The following SORCS3 variants were observed in gnomAD, a reference collection of about 807,000 sequenced individuals.
The protein encoded by SORCS3 is VPS10 domain-containing receptor SorCS3.
SORCS3 carries 57 observed loss-of-function variants against 146.3 expected under a neutral mutation model. The observed-to-expected ratio is 0.39, with a 90% confidence interval of 0.31 to 0.49. The LOEUF is 0.49. Among genes scored for constraint, SORCS3 ranks in the 20% least tolerant of loss-of-function variants. The pLI is 0.92. For missense variants in SORCS3, 1,341 were observed against 1,575.5 expected (o/e 0.85, Z 2.52); for synonymous variants, 653 against 618.5 (o/e 1.06, Z -0.83).
At chr10:104,696,129 CATATACACATATTATATATAATAT>C (rs1564660948) in intron 1 of SORCS3, among the ~76,000 whole-genome samples, 8,463 of 101,710 alleles carry the variant, frequency 0.083, 2,607 homozygotes, top group Admixed American at 0.1. Context: ...TAATATATAT[CATATACACATATTATATATAATAT>C]ATATACACAT....
At chr10:105,056,148 C>T (rs545381556) in intron 5 of SORCS3, among the ~76,000 whole-genome samples, 2 of 152,298 alleles carry the variant, frequency 1.3e-5, no homozygotes, top group Admixed American at 1.3e-4. Flanking sequence ...ACAGATCCTT[C>T]TGGAAGGAAG....
chr10:104,919,403 G>A (rs966303420), intron 3 of SORCS3, among the ~76,000 whole-genome samples: 10 of 151,704 alleles, frequency 6.6e-5, no homozygotes, highest in South Asian at 4.2e-4. Flanking sequence ...AGAAATTAAC[G>A]TTTGTAGCCA....
At position 104,842,783 on chromosome 10, in the gene SORCS3, C is replaced by G. The variant is rs1488986506; in HGVS notation, c.628-9C>G. ...CCTCTCCTTTGCCCTTATCCCCAAC[C>G]CCTTGCAGGTCATACTTATCCTGAC... On this transcript the variant is annotated splice_polypyrimidine_tract_variant and intron_variant, in intron 1 of 26. Coordinates refer to ENST00000369701, the MANE Select transcript of SORCS3 (RefSeq NM_014978.3). 1 of 1,612,938 alleles carries G rather than the reference C, an allele frequency of 6.2e-7. No homozygotes were observed.
intron 7 of SORCS3, among the ~76,000 whole-genome samples, chr10:105,132,839 T>C (rs1004449892): frequency 5.9e-5 from 9 of 152,094 alleles, no homozygotes; most frequent in Non-Finnish European, 1.0e-4. Flanking sequence ...CCAGAGCAAA[T>C]AATTGGATGA....
At chr10:104,951,150 T>C (rs2019424965) in intron 3 of SORCS3, among the ~76,000 whole-genome samples, 1 of 152,206 alleles carries the variant, frequency 6.6e-6, no homozygotes, top group South Asian at 2.1e-4. Flanking sequence ...TTCTATCTTA[T>C]ATGTTCCCTA....
chr10:104,806,476 G>A (rs766515137), intron 1 of SORCS3, among the ~76,000 whole-genome samples: 2 of 152,194 alleles, frequency 1.3e-5, no homozygotes, highest in Non-Finnish European at 2.9e-5. Flanking sequence ...GGAAGCCAAC[G>A]TTGCAAGATG....
intron 16 of SORCS3, among the ~76,000 whole-genome samples, chr10:105,208,851 T>C (rs926119848): frequency 2.0e-5 from 3 of 152,168 alleles, no homozygotes; most frequent in Non-Finnish European, 4.4e-5. Flanking sequence ...CCATACGAAC[T>C]GTCAGACTGA....
At chr10:104,725,620 C>T (rs995079692) in intron 1 of SORCS3, among the ~76,000 whole-genome samples, 26 of 152,202 alleles carry the variant, frequency 1.7e-4, no homozygotes, top group Non-Finnish European at 3.2e-4. Flanking sequence ...GAGGTGGGCT[C>T]CACCCAGTTC....
chr10:105,100,776 G>A (rs1194662638), intron 6 of SORCS3, among the ~76,000 whole-genome samples: 7 of 152,224 alleles, frequency 4.6e-5, no homozygotes, highest in African/African-American at 7.2e-5. Flanking sequence ...AAGATGCTGA[G>A]AGTTGGATTC....
intron 2 of SORCS3, among the ~76,000 whole-genome samples, chr10:104,855,846 C>T (rs922965000): frequency 6.6e-6 from 1 of 152,136 alleles, no homozygotes; most frequent in South Asian, 2.1e-4. Flanking sequence ...AGTGGTCCTC[C>T]TTCCTCAGCC....
At chr10:105,048,453 C>G (rs1390795262) in intron 5 of SORCS3, among the ~76,000 whole-genome samples, 2 of 149,120 alleles carry the variant, frequency 1.3e-5, no homozygotes, top group Non-Finnish European at 3.0e-5. Context: ...CCAAACACCG[C>G]ATGTTCTCAC....
At chr10:104,723,562 TA>T (rs1360346542) in intron 1 of SORCS3, among the ~76,000 whole-genome samples, 1 of 152,222 alleles carries the variant, frequency 6.6e-6, no homozygotes, top group Admixed American at 6.5e-5. Flanking sequence ...TTGATCTGTC[TA>T]ATGTTGACAG....
rs1564799428 is a variant in SORCS3, at chr10:105,264,142, G to T, written c.*768G>T. 7.7e-6 allele frequency: 1 copy of T among 129,412 alleles called. No individual in the cohort carries two copies. The highest frequency in any genetic ancestry group is 8.1e-5 in the Admixed American group (1 of 12,292). The allele number at this position is 129,412 out of a possible 1,614,324, so 8.0% of individuals were successfully genotyped here. ...GCTGGTTTCTACTTATGTATATAAA[G>T]GGGGGTGGGGGGAGGGGCTTCTCTG... On this transcript the variant is annotated 3_prime_UTR_variant, in exon 27 of 27. Coordinates refer to ENST00000369701, the MANE Select transcript of SORCS3 (RefSeq NM_014978.3).
At position 105,163,302 on chromosome 10, in the gene SORCS3, G is replaced by A. The variant is rs138817647; in HGVS notation, c.1733-1001G>A. On this transcript the variant is annotated intron_variant, in intron 11 of 26. Transcript: ENST00000369701. ...TGCATTTTTGTTGTGCTCCTATTTA[G>A]GCTACAGATGTGTGGGAGCTAACAT... Among the ~76,000 whole-genome samples the A allele has an allele frequency of 4.6e-5, 7 of 152,242 alleles. No individual in the cohort carries two copies. In the East Asian group the frequency reaches 1.4e-3, roughly 29 times the overall value.
intron 1 of SORCS3, among the ~76,000 whole-genome samples, chr10:104,834,527 G>A (rs2018043242): frequency 6.6e-6 from 1 of 151,994 alleles, no homozygotes; most frequent in South Asian, 2.1e-4. Context: ...GGCCTCTTCT[G>A]AACTCCTTAT....
intron 14 of SORCS3, among the ~76,000 whole-genome samples, chr10:105,192,523 G>T (rs1481017935): frequency 1.3e-5 from 2 of 152,220 alleles, no homozygotes; most frequent in South Asian, 2.1e-4. Flanking sequence ...GATGGAAATG[G>T]GACAGTTGGT....
chr10:105,192,942 A>T (rs1306968466), intron 14 of SORCS3, among the ~76,000 whole-genome samples: 1 of 152,236 alleles, frequency 6.6e-6, no homozygotes, highest in Non-Finnish European at 1.5e-5. Context: ...TACAGAGCCT[A>T]GTCCTCTAAT....
At chr10:105,207,984 A>G (rs2056613029) in intron 16 of SORCS3, among the ~76,000 whole-genome samples, 2 of 152,182 alleles carry the variant, frequency 1.3e-5, no homozygotes, top group South Asian at 4.1e-4. Context: ...CAACTGGAGA[A>G]TTTTTGATAA....
intron 9 of SORCS3, among the ~76,000 whole-genome samples, chr10:105,155,728 A>G (rs1256889260): frequency 6.6e-6 from 1 of 152,206 alleles, no homozygotes; most frequent in Non-Finnish European, 1.5e-5. Flanking sequence ...TAGGGAGGGC[A>G]TGGCTCAGAC....
Sources: gnomAD v4.1 joint callset for allele counts (sites outside exome capture counted in the v4.1 genomes callset) on GRCh38, gnomAD v4.1.1 for gene constraint, MANE v1.5 for transcripts, NCBI Gene and HGNC (gene_info 2026-07-23, HGNC 2026-07-21) for gene names.